The following SLC24A2 variants were observed in gnomAD, a reference collection of about 807,000 sequenced individuals.
SLC24A2 encodes the protein solute carrier family 24 member 2.
A neutral mutation model predicts 62.0 loss-of-function variants in SLC24A2; 36 were observed. The ratio of observed to expected loss-of-function variants is 0.58; its 90% confidence interval spans 0.44 to 0.77. The LOEUF (loss-of-function observed/expected upper bound fraction) is 0.77. Ranked by LOEUF, SLC24A2 falls within the 30% of genes least tolerant of loss-of-function variation. The probability of loss-of-function intolerance (pLI) is 0.00; values close to 1 mark genes in which losing one functional copy is unlikely to be tolerated. For synonymous variants in SLC24A2, 358 were observed against 294.0 expected (o/e 1.22, Z -2.23); for missense variants, 846 against 817.9 (o/e 1.03, Z -0.42).
At chr9:19,623,943 A>G (rs1260621816) in intron 2 of SLC24A2, among the ~76,000 whole-genome samples, 2 of 152,176 alleles carry the variant, frequency 1.3e-5, no homozygotes, top group Non-Finnish European at 2.9e-5. Flanking sequence ...CTCTCTCTCA[A>G]TGACTTCTCT....
rs10711958 is a variant in SLC24A2 at position 19,557,748 on chromosome 9, CTTTT to C, written c.1348-7484_1348-7481del. On this transcript the variant is annotated intron_variant, in intron 7 of 10. Coordinates refer to ENST00000341998, the MANE Select transcript of SLC24A2 (RefSeq NM_020344.4). ...CCCCAGTAATGAAACATTTAATTGA[CTTTT>C]TTTTTTTTTATATTTTCTTGAGCCT... is the stretch of plus-strand genomic sequence containing the variant. 2.2e-3 allele frequency among the ~76,000 whole-genome samples: 312 copies of C among 141,678 alleles called. 1 individual carries two copies. The highest frequency in any genetic ancestry group is 8.0e-3 in the African/African-American group (302 of 37,658). 92.9% of individuals were successfully genotyped at this position (141,678 alleles called of 152,430 possible).
chr9:20,002,922 C>T, the SLC24A2 span, among the ~76,000 whole-genome samples: 1 of 152,186 alleles, frequency 6.6e-6, no homozygotes, highest in Non-Finnish European at 1.5e-5. Context: ...GATGTACAAC[C>T]AATACATTCA....
the SLC24A2 span, among the ~76,000 whole-genome samples, chr9:20,285,165 G>A: frequency 1.2e-4 from 18 of 152,298 alleles, no homozygotes; most frequent in Admixed American, 3.3e-4. Flanking sequence ...CCCTGTTACC[G>A]ACTGAATCAT....
chr9:20,137,545 T>C, the SLC24A2 span, among the ~76,000 whole-genome samples: 1 of 152,230 alleles, frequency 6.6e-6, no homozygotes, highest in South Asian at 2.1e-4. Flanking sequence ...GCATGTGATA[T>C]GTTGACACTG....
the SLC24A2 span, among the ~76,000 whole-genome samples, chr9:20,100,124 G>A: frequency 1.3e-5 from 2 of 151,920 alleles, no homozygotes; most frequent in South Asian, 2.1e-4. Flanking sequence ...ATCCTCCCAC[G>A]TCAGCTTCCC....
At chr9:19,853,242 G>A in the SLC24A2 span, among the ~76,000 whole-genome samples, 1 of 152,162 alleles carries the variant, frequency 6.6e-6, no homozygotes, top group Non-Finnish European at 1.5e-5. Context: ...TGTAGGTCAT[G>A]TCATCTGTAA....
chr9:19,572,541 G>T (rs892821000), intron 7 of SLC24A2, among the ~76,000 whole-genome samples: 1 of 151,944 alleles, frequency 6.6e-6, no homozygotes, highest in Non-Finnish European at 1.5e-5. Context: ...TTTCTTTCCT[G>T]CTCTGCCATG....
chr9:19,681,777 CTTAG>C (rs1367628871), intron 2 of SLC24A2, among the ~76,000 whole-genome samples: 3 of 152,154 alleles, frequency 2.0e-5, no homozygotes, highest in Non-Finnish European at 4.4e-5. Flanking sequence ...CATCTTTGTT[CTTAG>C]TTAACATGAG....
chr9:19,946,778 C>G, the SLC24A2 span, among the ~76,000 whole-genome samples: 1 of 152,230 alleles, frequency 6.6e-6, no homozygotes, highest in Non-Finnish European at 1.5e-5. Context: ...AACACACACA[C>G]AAAACACAAA....
At chr9:20,020,337 A>T in the SLC24A2 span, among the ~76,000 whole-genome samples, 3 of 152,148 alleles carry the variant, frequency 2.0e-5, no homozygotes, top group African/African-American at 7.2e-5. Flanking sequence ...TCCATCAATG[A>T]TAGACTGGAT....
At chr9:19,870,654 C>T in the SLC24A2 span, among the ~76,000 whole-genome samples, 100 of 152,230 alleles carry the variant, frequency 6.6e-4, no homozygotes, top group Non-Finnish European at 1.1e-3. Flanking sequence ...AGTTTCTAAA[C>T]ATTCTCACCA....
chr9:20,041,723 G>A, the SLC24A2 span, among the ~76,000 whole-genome samples: 1 of 152,354 alleles, frequency 6.6e-6, no homozygotes, highest in East Asian at 1.9e-4. Flanking sequence ...AGATGGGCAG[G>A]GCTCAAAAAC....
At chr9:20,298,030 C>G in the SLC24A2 span, among the ~76,000 whole-genome samples, 1 of 152,180 alleles carries the variant, frequency 6.6e-6, no homozygotes, top group African/African-American at 2.4e-5. Flanking sequence ...CATAAGGAAG[C>G]AGCACCCCCA....
At chr9:20,107,741 C>T in the SLC24A2 span, among the ~76,000 whole-genome samples, 1 of 152,006 alleles carries the variant, frequency 6.6e-6, no homozygotes, top group East Asian at 1.9e-4. Flanking sequence ...CCATAAAAAC[C>T]CTAAAAGAAA....
At chr9:20,241,299 T>G in the SLC24A2 span, among the ~76,000 whole-genome samples, 1 of 152,242 alleles carries the variant, frequency 6.6e-6, no homozygotes, top group African/African-American at 2.4e-5. Context: ...GCACCTACTG[T>G]GTGCAATAAA....
At chr9:19,785,658 T>C (rs1324522773) in intron 2 of SLC24A2, among the ~76,000 whole-genome samples, 3 of 152,198 alleles carry the variant, frequency 2.0e-5, no homozygotes, top group Admixed American at 2.0e-4. Flanking sequence ...AAGAGACAAA[T>C]AACTGCTGAA....
chr9:20,044,890 G>C, the SLC24A2 span, among the ~76,000 whole-genome samples: 1 of 152,062 alleles, frequency 6.6e-6, no homozygotes, highest in Non-Finnish European at 1.5e-5. Context: ...ACTCAGCACA[G>C]GGTGAGCACA....
At chr9:19,982,722 G>C in the SLC24A2 span, among the ~76,000 whole-genome samples, 1 of 152,098 alleles carries the variant, frequency 6.6e-6, no homozygotes, top group African/African-American at 2.4e-5. Context: ...GCCAGACAAA[G>C]ACAATAAAAG....
At chr9:19,938,852 C>T in the SLC24A2 span, among the ~76,000 whole-genome samples, 33 of 152,156 alleles carry the variant, frequency 2.2e-4, no homozygotes, top group African/African-American at 8.0e-4. Context: ...TTACTTAAAA[C>T]TTTGGCATCC....
Sources: gnomAD v4.1 joint callset for allele counts (sites outside exome capture counted in the v4.1 genomes callset) on GRCh38, gnomAD v4.1.1 for gene constraint, MANE v1.5 for transcripts, NCBI Gene and HGNC (gene_info 2026-07-23, HGNC 2026-07-21) for gene names.